FIRRM: variants seen among roughly 807,000 people sequenced by gnomAD.
FIRRM encodes FIGNL1-interacting regulator of recombination and mitosis.
chr1:169,799,984 A>G, the FIRRM span, among the ~76,000 whole-genome samples: 4 of 152,014 alleles, frequency 2.6e-5, no homozygotes, highest in Non-Finnish European at 2.9e-5. Flanking sequence ...TCCATCTTCT[A>G]AAGTGCTGTG....
chr1:169,795,032 T>C, the FIRRM span: 2 of 1,225,876 alleles, frequency 1.6e-6, no homozygotes, highest in Non-Finnish European at 2.3e-6. Context: ...CGCGCAAGGG[T>C]TGGCGGGACT....
chr1:169,810,620 A>ATT, the FIRRM span, among the ~76,000 whole-genome samples: 1 of 151,978 alleles, frequency 6.6e-6, no homozygotes, highest in Admixed American at 6.6e-5. Flanking sequence ...ATCTTAACTA[A>ATT]TTATGTCTTC....
At chr1:169,838,946 C>G in the FIRRM span, among the ~76,000 whole-genome samples, 45 of 152,276 alleles carry the variant, frequency 3.0e-4, 2 homozygotes, top group South Asian at 9.3e-3. Flanking sequence ...CTCCCTCCCC[C>G]TACTAGTCCC....
At chr1:169,847,252 T>C in the FIRRM span, among the ~76,000 whole-genome samples, 3 of 146,722 alleles carry the variant, frequency 2.0e-5, no homozygotes, top group Admixed American at 7.0e-5. Context: ...GAACACATGC[T>C]GTTGCAGAAA....
At chr1:169,849,598 C>A in the FIRRM span, 1 of 1,609,516 alleles carries the variant, frequency 6.2e-7, no homozygotes, top group Non-Finnish European at 8.5e-7. Context: ...TTACTCAGTT[C>A]GCTGAGGTAA....
At chr1:169,793,121 A>C in the FIRRM span, 12 of 1,614,090 alleles carry the variant, frequency 7.4e-6, no homozygotes, top group Non-Finnish European at 1.0e-5. Flanking sequence ...ACCAAGATCC[A>C]AGACTTTTTT....
At chr1:169,853,990 G>A in the FIRRM span, 19 of 612,166 alleles carry the variant, frequency 3.1e-5, no homozygotes, top group African/African-American at 3.4e-4. Context: ...ATAAAATCCA[G>A]TAAAAATCAG....
chr1:169,802,686 A>C, the FIRRM span: 2 of 1,613,196 alleles, frequency 1.2e-6, no homozygotes, highest in Non-Finnish European at 1.7e-6. Context: ...TGTCAAGCCA[A>C]AATTTGGAAA....
the FIRRM span, among the ~76,000 whole-genome samples, chr1:169,848,858 A>C: frequency 6.6e-6 from 1 of 152,232 alleles, no homozygotes; most frequent in African/African-American, 2.4e-5. Context: ...GACCTGAAGA[A>C]ATTTTTGAGA....
the FIRRM span, chr1:169,851,004 TTTATTTGGGCAGCCTCCCAAGCCAGG>T: frequency 2.1e-5 from 1 of 47,736 alleles, no homozygotes; most frequent in African/African-American, 8.9e-5. Context: ...TTTTTTTTTT[TTTATTTGGGCAGCCTCCCAAGCCAGG>T]GTAAGCTCAG....
the FIRRM span, among the ~76,000 whole-genome samples, chr1:169,829,824 T>G: frequency 1.3e-5 from 2 of 152,224 alleles, no homozygotes; most frequent in Non-Finnish European, 2.9e-5. Flanking sequence ...TAAGAAATTC[T>G]AGGAATTCGA....
At chr1:169,851,949 T>G in the FIRRM span, 2 of 1,613,952 alleles carry the variant, frequency 1.2e-6, no homozygotes, top group Non-Finnish European at 1.7e-6. Flanking sequence ...ATGGGCTGAT[T>G]TCAATAGGGG....
At chr1:169,804,294 A>G in the FIRRM span, 4,523 of 1,192,376 alleles carry the variant, frequency 3.8e-3, 131 homozygotes, top group African/African-American at 0.062. Context: ...TCATGTATCA[A>G]TTAAAATTGT....
At chr1:169,808,265 T>C in the FIRRM span, among the ~76,000 whole-genome samples, 1 of 152,182 alleles carries the variant, frequency 6.6e-6, no homozygotes, top group African/African-American at 2.4e-5. Context: ...AGATCTGATA[T>C]AGCTGCAATC....
At chr1:169,821,605 C>G in the FIRRM span, 1 of 1,082,630 alleles carries the variant, frequency 9.2e-7, no homozygotes. Flanking sequence ...AAAATATTGT[C>G]TCATTTGTAA....
the FIRRM span, among the ~76,000 whole-genome samples, chr1:169,788,969 G>A: frequency 6.6e-6 from 1 of 152,140 alleles, no homozygotes; most frequent in Non-Finnish European, 1.5e-5. Context: ...GCAGAAATTG[G>A]ATAGCTAGTA....
the FIRRM span, among the ~76,000 whole-genome samples, chr1:169,841,552 T>C: frequency 6.6e-6 from 1 of 152,222 alleles, no homozygotes; most frequent in Non-Finnish European, 1.5e-5. Flanking sequence ...AACAACCTCA[T>C]TTCTGGCCAG....
At chr1:169,827,133 G>T in the FIRRM span, 3 of 1,613,774 alleles carry the variant, frequency 1.9e-6, no homozygotes, top group Non-Finnish European at 2.5e-6. Flanking sequence ...AGTGACACTG[G>T]ATCCACTTAT....
chr1:169,853,891 G>A, the FIRRM span: 12 of 1,087,582 alleles, frequency 1.1e-5, no homozygotes, highest in East Asian at 4.8e-5. Flanking sequence ...ACACTACCTC[G>A]TACTAAGTAA....
Sources: gnomAD v4.1 joint callset for allele counts (sites outside exome capture counted in the v4.1 genomes callset) on GRCh38, gnomAD v4.1.1 for gene constraint, MANE v1.5 for transcripts, NCBI Gene and HGNC (gene_info 2026-07-23, HGNC 2026-07-21) for gene names.